The following AP4E1 variants were observed in gnomAD, a reference collection of about 807,000 sequenced individuals.
The protein encoded by AP4E1 is AP-4 complex subunit epsilon-1.
A neutral mutation model predicts 128.2 loss-of-function variants in AP4E1; 56 were observed. That is an observed-to-expected ratio of 0.44 (90% CI 0.35 to 0.55). The LOEUF is 0.55. Among genes scored for constraint, AP4E1 ranks in the 20% least tolerant of loss-of-function variants. The pLI is 0.00. For synonymous variants in AP4E1, 484 were observed against 473.1 expected, an observed-to-expected ratio of 1.02 and a Z score of -0.30; for missense variants, 1,324 against 1,307.7, an observed-to-expected ratio of 1.01 and a Z score of -0.19.
intron 7 of AP4E1, among the ~76,000 whole-genome samples, chr15:50,932,856 A>G (rs2063852458): frequency 1.3e-5 from 2 of 152,234 alleles, no homozygotes; most frequent in Non-Finnish European, 2.9e-5. Flanking sequence ...CACACATTAG[A>G]AATGATTGTC....
intron 2 of AP4E1, among the ~76,000 whole-genome samples, chr15:50,915,147 G>A (rs2063614178): frequency 1.3e-5 from 2 of 152,140 alleles, no homozygotes; most frequent in Admixed American, 6.5e-5. Context: ...AAGACCCCAT[G>A]TATCACATTA....
chr15:50,986,790 T>C (rs915514378), intron 16 of AP4E1, among the ~76,000 whole-genome samples: 17 of 152,178 alleles, frequency 1.1e-4, no homozygotes, highest in African/African-American at 3.9e-4. Context: ...GTGTCTCTGC[T>C]AGGCTTTGGT....
chr15:50,964,921 A>C (rs1037959437), intron 14 of AP4E1, among the ~76,000 whole-genome samples: 2 of 145,336 alleles, frequency 1.4e-5, no homozygotes, highest in Non-Finnish European at 3.0e-5. Context: ...TTCTTGAGAG[A>C]TCTGGTTATT....
At position 50,944,511 on chromosome 15, in the gene AP4E1, A is replaced by G. The variant is rs73408534; in HGVS notation, c.1176+2736A>G. 1.8e-3 allele frequency among the ~76,000 whole-genome samples: 270 copies of G among 152,332 alleles called. 2 individuals are homozygous for G. Among genetic ancestry groups the G allele is most frequent in the African/African-American group, 5.8e-3 (240 of 41,576 alleles). ...CAGGGAGCATGTCTGAAGCAGCTCC[A>G]TAAGTTGAAAGCTATTGTTGGGGTG... is the stretch of plus-strand genomic sequence containing the variant. On this transcript the variant is annotated intron_variant, in intron 10 of 20. Transcript: ENST00000261842.
rs1596474416 is a variant in AP4E1 at position 50,944,861 on chromosome 15, T to G, written c.1176+3086T>G. Reference sequence around the variant, plus strand: ...TTGCTTTGCTGGATGGTCACCAAGATGGAGTCAGTTGCTTGGCAAAGCATC... The same window carrying G: ...TTGCTTTGCTGGATGGTCACCAAGAGGGAGTCAGTTGCTTGGCAAAGCATC... On this transcript the variant is annotated intron_variant, in intron 10 of 20. Coordinates refer to ENST00000261842, the MANE Select transcript of AP4E1 (RefSeq NM_007347.5). 4 of 774,718 alleles carry G rather than the reference T, an allele frequency of 5.2e-6. No homozygotes were observed. In the East Asian group the frequency reaches 9.8e-5, roughly 19 times the overall value. The allele number at this position is 774,718 out of a possible 1,614,324, so 48.0% of individuals were successfully genotyped here.
chr15:50,919,064 A>G (rs1567209800), intron 3 of AP4E1, among the ~76,000 whole-genome samples: 1 of 151,890 alleles, frequency 6.6e-6, no homozygotes, highest in South Asian at 2.1e-4. Context: ...CCCTGTCTCT[A>G]CTAAAAATAC....
chr15:50,993,107 G>A (rs2064825271), intron 16 of AP4E1, among the ~76,000 whole-genome samples: 1 of 152,142 alleles, frequency 6.6e-6, no homozygotes, highest in Admixed American at 6.5e-5. Flanking sequence ...AAGCAGTTAA[G>A]TGAAAATTAA....
At chr15:50,915,924 A>G in intron 3 of AP4E1, 1 of 221,208 alleles carries the variant, frequency 4.5e-6, no homozygotes. Context: ...GTCTATAAAG[A>G]GCTCTTTTTT....
chr15:50,949,144 T>C (rs181356923), intron 11 of AP4E1, among the ~76,000 whole-genome samples: 1 of 151,560 alleles, frequency 6.6e-6, no homozygotes, highest in Non-Finnish European at 1.5e-5. Flanking sequence ...GAAAAGAGAC[T>C]AAACACCTGT....
intron 5 of AP4E1, among the ~76,000 whole-genome samples, chr15:50,926,161 A>G (rs1052327638): frequency 2.0e-5 from 3 of 152,072 alleles, no homozygotes; most frequent in African/African-American, 4.8e-5. Flanking sequence ...TTTTTGAGAC[A>G]GAGTCTCACT....
At chr15:50,915,404 A>G (rs1323715557) in intron 2 of AP4E1, 44 bp from the exon 3 acceptor site, 1 of 1,584,796 alleles carries the variant, frequency 6.3e-7, no homozygotes, top group Admixed American at 1.7e-5. Context: ...AACAATCTAA[A>G]TATTCTGTTT....
intron 7 of AP4E1, among the ~76,000 whole-genome samples, chr15:50,931,619 A>G (rs1596466523): frequency 6.6e-6 from 1 of 152,120 alleles, no homozygotes; most frequent in Non-Finnish European, 1.5e-5. Context: ...TGTGGGCCAT[A>G]TGTTGTTTTT....
chr15:50,944,674 TACTG>T (rs2064033969), intron 10 of AP4E1: 1 of 426,536 alleles, frequency 2.3e-6, no homozygotes, highest in Non-Finnish European at 4.3e-6. Flanking sequence ...AGGATGAAGA[TACTG>T]AGCCAGAATC....
chr15:50,966,205 C>A (rs2064389849), intron 14 of AP4E1, among the ~76,000 whole-genome samples: 1 of 152,188 alleles, frequency 6.6e-6, no homozygotes, highest in African/African-American at 2.4e-5. Context: ...AGATGTGAGC[C>A]ACCGCACCTG....
intron 3 of AP4E1, among the ~76,000 whole-genome samples, chr15:50,921,451 C>T (rs578054158): frequency 2.6e-5 from 4 of 151,910 alleles, no homozygotes; most frequent in South Asian, 2.1e-4. Context: ...TGGGTTCAAA[C>T]GATTCTTATG....
At chr15:50,958,401 A>G in intron 13 of AP4E1, 91 bp from the exon 14 acceptor site, 1 of 1,052,754 alleles carries the variant, frequency 9.5e-7, no homozygotes, top group Non-Finnish European at 1.4e-6. Context: ...CTTTAAATTC[A>G]CTCTAGCAGT....
rs547295395 is a variant in AP4E1 at position 50,941,348 on chromosome 15, A to G, written c.944-94A>G. ...TAAATAAGATTTCTGACTAAAATGG[A>G]CTTTCCAATTAGTTTTATTACAAGT... On this transcript the variant is annotated intron_variant, in intron 8 of 20. Coordinates refer to ENST00000261842, the MANE Select transcript of AP4E1 (RefSeq NM_007347.5). 153 of 1,394,792 alleles carry G rather than the reference A, an allele frequency of 1.1e-4. No individual in the cohort carries two copies. The East Asian group carries it at 3.3e-3, about 30-fold the overall frequency. 86.4% of individuals were successfully genotyped at this position (1,394,792 alleles called of 1,614,324 possible). A position where few individuals can be genotyped will look rare whatever the true frequency, so the allele number is the denominator to read the frequency against.
In AP4E1 at chr15:51,002,722, T is replaced by C; in HGVS notation, c.*60T>C. ...AATGGTTTACATAGATAAACTTATT[T>C]ACCAAAGTAAAAAGAACTCATGGTA... is the stretch of plus-strand genomic sequence containing the variant. On this transcript the variant is annotated 3_prime_UTR_variant, in exon 21 of 21. Coordinates refer to ENST00000261842, the MANE Select transcript of AP4E1 (RefSeq NM_007347.5). 1 of 1,595,370 alleles carries C rather than the reference T, an allele frequency of 6.3e-7. No individual in the cohort carries two copies. Among genetic ancestry groups the C allele is most frequent in the Non-Finnish European group, 8.6e-7 (1 of 1,165,944 alleles).
intron 20 of AP4E1, among the ~76,000 whole-genome samples, 180 bp downstream of exon 20, chr15:51,001,363 A>T (rs954822486): frequency 1.2e-4 from 19 of 152,240 alleles, no homozygotes; most frequent in African/African-American, 4.3e-4. Flanking sequence ...ATATACATAC[A>T]TAAAATATAC....
Sources: gnomAD v4.1 joint callset for allele counts (sites outside exome capture counted in the v4.1 genomes callset) on GRCh38, gnomAD v4.1.1 for gene constraint, MANE v1.5 for transcripts, NCBI Gene and HGNC (gene_info 2026-07-23, HGNC 2026-07-21) for gene names.